EYS: variants seen among roughly 807,000 people sequenced by gnomAD.
EYS encodes the protein protein eyes shut homolog.
A neutral mutation model predicts 282.1 loss-of-function variants in EYS; 250 were observed. That is an observed-to-expected ratio of 0.89 (90% CI 0.80 to 0.98). The LOEUF (loss-of-function observed/expected upper bound fraction) is 0.98. Among genes scored for constraint, EYS ranks in the 50% least tolerant of loss-of-function variants. The pLI, the probability that EYS is intolerant of heterozygous loss-of-function variation, is 0.00. For missense variants in EYS, 4,016 were observed against 3,709.0 expected (o/e 1.08, Z -2.15); for synonymous variants, 1,355 against 1,282.9 (o/e 1.06, Z -1.20).
At chr6:65,214,112 T>C (rs2150254132) in intron 12 of EYS, among the ~76,000 whole-genome samples, 1 of 129,526 alleles carries the variant, frequency 7.7e-6, no homozygotes, top group Middle Eastern at 6.0e-3. Flanking sequence ...TGAGCCGAGA[T>C]TGCGCCACTG....
chr6:64,405,473 G>C (rs1773676332), intron 28 of EYS, among the ~76,000 whole-genome samples: 2 of 152,054 alleles, frequency 1.3e-5, no homozygotes. Context: ...TAGAAGTTCT[G>C]GCCCGGCAAT....
At chr6:64,811,895 A>G (rs1214895156) in intron 22 of EYS, among the ~76,000 whole-genome samples, 3 of 152,156 alleles carry the variant, frequency 2.0e-5, no homozygotes, top group African/African-American at 7.2e-5. Context: ...ACAGTGCTTG[A>G]TTTAACAAAT....
intron 36 of EYS, among the ~76,000 whole-genome samples, chr6:63,814,836 A>AT: frequency 6.6e-6 from 1 of 152,284 alleles, no homozygotes; most frequent in African/African-American, 2.4e-5. Context: ...GCATGGTAAA[A>AT]TTTTCACATC....
chr6:65,214,972 A>G (rs1766274892), intron 12 of EYS, among the ~76,000 whole-genome samples: 1 of 152,174 alleles, frequency 6.6e-6, no homozygotes, highest in African/African-American at 2.4e-5. Context: ...CTGGTGAGAA[A>G]AAAAGACTCC....
chr6:64,793,138 A>G (rs916918891), intron 22 of EYS, among the ~76,000 whole-genome samples: 6 of 152,092 alleles, frequency 3.9e-5, no homozygotes, highest in Admixed American at 6.6e-5. Flanking sequence ...ATTTATGAGA[A>G]CAGATGGAAT....
At chr6:64,685,192 T>C (rs550765069) in intron 22 of EYS, among the ~76,000 whole-genome samples, 7 of 152,238 alleles carry the variant, frequency 4.6e-5, no homozygotes, top group Non-Finnish European at 8.8e-5. Context: ...GGGGATTTCA[T>C]AATGGCAAAA....
chr6:64,953,820 A>T (rs1050636480), intron 14 of EYS, among the ~76,000 whole-genome samples: 1 of 151,962 alleles, frequency 6.6e-6, no homozygotes, highest in African/African-American at 2.4e-5. Flanking sequence ...CTTGTAGAAA[A>T]ACACAATTTC....
In EYS at chr6:64,902,059, T is replaced by TATTA. The variant is rs59518422; in HGVS notation, c.2846+53_2846+54insTAAT. On this transcript the variant is annotated intron_variant, in intron 18 of 42. Transcript: ENST00000503581. ...ATAATGAGCACATGTGTGCTCACTT[T>TATTA]CTTGTTGAATTACACACATCAAATA... The TATTA allele has an allele frequency of 0.65, 823,847 of 1,266,814 alleles. 270,812 individuals are homozygous for TATTA. Among genetic ancestry groups the TATTA allele is most frequent in the African/African-American group, 0.86 (56,441 of 65,448 alleles). 78.5% of individuals were successfully genotyped at this position (1,266,814 alleles called of 1,614,324 possible). A position where few individuals can be genotyped will look rare whatever the true frequency, so the allele number is the denominator to read the frequency against.
chr6:64,680,343 C>T (rs1439265786), intron 22 of EYS, among the ~76,000 whole-genome samples: 2 of 152,138 alleles, frequency 1.3e-5, no homozygotes, highest in African/African-American at 4.8e-5. Context: ...ATTTTATGTT[C>T]TACAGGCAGG....
At chr6:64,663,289 T>C (rs1401268489) in intron 22 of EYS, among the ~76,000 whole-genome samples, 2 of 152,206 alleles carry the variant, frequency 1.3e-5, no homozygotes, top group Admixed American at 1.3e-4. Flanking sequence ...CAGTTTTTAT[T>C]CTCATTAAGT....
intron 29 of EYS, among the ~76,000 whole-genome samples, chr6:64,336,933 A>G (rs766364879): frequency 1.5e-4 from 23 of 152,220 alleles, no homozygotes; most frequent in Non-Finnish European, 2.2e-4. Flanking sequence ...CTGAACGACA[A>G]TGACGACACA....
At chr6:65,468,739 T>G (rs1419817352) in intron 5 of EYS, among the ~76,000 whole-genome samples, 1 of 152,088 alleles carries the variant, frequency 6.6e-6, no homozygotes. Context: ...GGAAGCCCAA[T>G]AGAAGGAGAA....
chr6:63,789,318 A>G (rs1353887373), intron 37 of EYS, 94 bp from the exon 38 acceptor site: 1 of 1,216,580 alleles, frequency 8.2e-7, no homozygotes, highest in Non-Finnish European at 1.1e-6. Flanking sequence ...ATTACAGATC[A>G]GTATGGTAAG....
At chr6:64,714,169 G>GATAGACTTGGAAAGA (rs1771297696) in intron 22 of EYS, among the ~76,000 whole-genome samples, 1 of 152,170 alleles carries the variant, frequency 6.6e-6, no homozygotes, top group Non-Finnish European at 1.5e-5. Context: ...TTCAAGAAAT[G>GATAGACTTGGAAAGA]TTTGATAGAC....
chr6:65,243,094 G>T (rs897390122), intron 12 of EYS, among the ~76,000 whole-genome samples: 16 of 90,506 alleles, frequency 1.8e-4, no homozygotes, highest in South Asian at 8.0e-4. Context: ...AAAATAAACT[G>T]ATTTGCAACA....
intron 12 of EYS, among the ~76,000 whole-genome samples, chr6:65,271,128 T>TATATATATATATA (rs1554174612): frequency 1.3e-4 from 7 of 55,782 alleles, no homozygotes; most frequent in African/African-American, 2.7e-4. Flanking sequence ...AATCAATAGA[T>TATATATATATATA]TATATATATA....
chr6:64,025,023 C>T (rs116173313), intron 33 of EYS, among the ~76,000 whole-genome samples: 2,158 of 152,222 alleles, frequency 0.014, 37 homozygotes, highest in African/African-American at 0.042. Flanking sequence ...CGCCTATTGC[C>T]GAGCAGTGAG....
chr6:63,729,809 T>C lies in EYS; in HGVS notation c.8072-3129A>G, dbSNP rs189898259. 3.7e-3 allele frequency among the ~76,000 whole-genome samples: 563 copies of C among 152,288 alleles called. 1 individual carries two copies. The highest frequency in any genetic ancestry group is 0.013 in the African/African-American group (530 of 41,564). ...TATAAATTTTATAATTCCTCAGGGC[T>C]TTCCATAGCCCATCTCTCTTCTTTT... is the stretch of plus-strand genomic sequence containing the variant. On this transcript the variant is annotated intron_variant, in intron 41 of 42. Transcript: ENST00000503581.
chr6:65,009,952 T>C (rs1210588151), intron 13 of EYS, among the ~76,000 whole-genome samples: 1 of 152,198 alleles, frequency 6.6e-6, no homozygotes, highest in Non-Finnish European at 1.5e-5. Flanking sequence ...TTCCTAGGTA[T>C]GGCAAAATAG....
Sources: allele counts gnomAD v4.1 joint callset (sites outside exome capture counted in the v4.1 genomes callset), GRCh38; gene constraint gnomAD v4.1.1; transcripts MANE v1.5; gene names NCBI Gene and HGNC (gene_info 2026-07-23, HGNC 2026-07-21).